The following HK1 variants were observed in gnomAD, a reference collection of about 807,000 sequenced individuals.
HK1 encodes the protein hexokinase-1.
HK1 carries 28 observed loss-of-function variants against 91.6 expected under a neutral mutation model. The observed-to-expected ratio is 0.31, with a 90% CI of 0.23 to 0.42. The LOEUF is 0.42. Ranked by LOEUF, HK1 falls within the 10% of genes least tolerant of loss-of-function variation. The pLI is 1.00. For synonymous variants in HK1, 430 were observed against 468.1 expected, an observed-to-expected ratio of 0.92 and a Z score of 1.05; for missense variants, 770 against 1,219.8, an observed-to-expected ratio of 0.63 and a Z score of 5.49.
intron 8 of HK1, among the ~76,000 whole-genome samples, chr10:69,377,409 T>C (rs1324619889): frequency 2.1e-5 from 3 of 144,496 alleles, no homozygotes; most frequent in Non-Finnish European, 1.5e-5. Flanking sequence ...AAGATTAGCG[T>C]CCAGGAAGCA....
At chr10:69,285,886 G>C (rs1227688193) in intron 2 of HK1, among the ~76,000 whole-genome samples, 2 of 152,216 alleles carry the variant, frequency 1.3e-5, no homozygotes. Flanking sequence ...CCCTGGGCCA[G>C]TCCCAAGGGT....
chr10:69,366,629 A>T (rs1205953197), intron 4 of HK1, among the ~76,000 whole-genome samples: 2 of 152,106 alleles, frequency 1.3e-5, no homozygotes, highest in Admixed American at 1.3e-4. Context: ...CTGACCTGTT[A>T]TGCTTTCAGG....
chr10:69,338,137 G>C (rs1228596801), intron 1 of HK1: 6 of 615,106 alleles, frequency 9.8e-6, no homozygotes, highest in Non-Finnish European at 1.3e-5. Flanking sequence ...GAGCCGCTGA[G>C]AGCTTCAAGG....
At chr10:69,365,262 C>G (rs1849643121) in intron 4 of HK1, among the ~76,000 whole-genome samples, 1 of 152,074 alleles carries the variant, frequency 6.6e-6, no homozygotes, top group African/African-American at 2.4e-5. Context: ...GGAAACTGCC[C>G]TGGTTACTGC....
intron 14 of HK1, among the ~76,000 whole-genome samples, chr10:69,390,522 T>C (rs1273150794): frequency 6.6e-6 from 1 of 152,258 alleles, no homozygotes; most frequent in Non-Finnish European, 1.5e-5. Flanking sequence ...GGAGCTCCTC[T>C]TCTCTCAGTT....
chr10:69,332,268 C>T (rs1364359042), intron 1 of HK1, among the ~76,000 whole-genome samples: 4 of 152,138 alleles, frequency 2.6e-5, no homozygotes, highest in African/African-American at 9.7e-5. Flanking sequence ...GTGTAAGCCA[C>T]AGTTTCCTCA....
At position 69,300,712 on chromosome 10, in the gene HK1, A is replaced by G. The variant is rs147756930; in HGVS notation, c.-66-57A>G. ...CCATGCTTCATCATCACAGTGAGAA[A>G]CCAGACGATGACTTTGGAGCATGGC... On this transcript the variant is annotated intron_variant, in intron 4 of 21. Transcript: ENST00000360289. The G allele has an allele frequency of 7.5e-5, 75 of 998,570 alleles. 1 individual carries two copies. In the East Asian group the frequency reaches 1.6e-3, roughly 21 times the overall value. The allele number at this position is 998,570 out of a possible 1,614,324, so 61.9% of individuals were successfully genotyped here. A position where few individuals can be genotyped will look rare whatever the true frequency, so the allele number is the denominator to read the frequency against.
At chr10:69,277,330 G>A (rs1844521609) in intron 1 of HK1, among the ~76,000 whole-genome samples, 1 of 152,170 alleles carries the variant, frequency 6.6e-6, no homozygotes, top group African/African-American at 2.4e-5. Flanking sequence ...CACTTTGGGA[G>A]GCTGAGGCAC....
At chr10:69,356,996 C>G (rs1276987678) in intron 2 of HK1, among the ~76,000 whole-genome samples, 1 of 151,686 alleles carries the variant, frequency 6.6e-6, no homozygotes, top group East Asian at 1.9e-4. Context: ...GTACTCAACA[C>G]CATTAGTCAT....
chr10:69,396,185 T>C (rs1840125795), intron 16 of HK1, among the ~76,000 whole-genome samples: 1 of 148,498 alleles, frequency 6.7e-6, no homozygotes, highest in Non-Finnish European at 1.5e-5. Flanking sequence ...GGTGGGAGGA[T>C]GGCTTGAGCC....
At chr10:69,287,043 A>C (rs1845067112) in intron 2 of HK1, among the ~76,000 whole-genome samples, 1 of 152,238 alleles carries the variant, frequency 6.6e-6, no homozygotes, top group Non-Finnish European at 1.5e-5. Context: ...ACTGCTATAA[A>C]GAAATGGCCC....
upstream of HK1, among the ~76,000 whole-genome samples, chr10:69,315,112 T>C (rs1846568252): frequency 6.6e-6 from 1 of 152,228 alleles, no homozygotes. Flanking sequence ...CCTCATTGAC[T>C]GATTAAGTGC....
upstream of HK1, among the ~76,000 whole-genome samples, chr10:69,312,766 G>A (rs976540050): frequency 1.3e-5 from 2 of 152,180 alleles, no homozygotes; most frequent in African/African-American, 4.8e-5. Flanking sequence ...ATCAGATAAC[G>A]GGAAGGGGAA....
upstream of HK1, among the ~76,000 whole-genome samples, chr10:69,316,556 G>A (rs1846653626): frequency 6.6e-6 from 1 of 152,228 alleles, no homozygotes; most frequent in South Asian, 2.1e-4. Flanking sequence ...GAGTCACCTT[G>A]AGAAGCAGTT....
At chr10:69,354,041 G>A (rs1045210773) in intron 2 of HK1, among the ~76,000 whole-genome samples, 1 of 152,220 alleles carries the variant, frequency 6.6e-6, no homozygotes, top group Non-Finnish European at 1.5e-5. Flanking sequence ...CAGGTAGCTA[G>A]TGAAATAATT....
At chr10:69,322,230 T>C (rs1448553409) in intron 1 of HK1, among the ~76,000 whole-genome samples, 1 of 152,188 alleles carries the variant, frequency 6.6e-6, no homozygotes, top group African/African-American at 2.4e-5. Context: ...GTGGATTTTC[T>C]CTGGGCGAGA....
At chr10:69,294,648 G>A (rs1165414712) in intron 3 of HK1, among the ~76,000 whole-genome samples, 1 of 152,092 alleles carries the variant, frequency 6.6e-6, no homozygotes, top group Non-Finnish European at 1.5e-5. Flanking sequence ...TCAAGTTCAG[G>A]AGTTCAAGAC....
intron 2 of HK1, among the ~76,000 whole-genome samples, chr10:69,355,754 T>TGCATTCCAGCCTGGGTA: frequency 1.3e-5 from 2 of 152,210 alleles, no homozygotes; most frequent in Admixed American, 1.3e-4. Flanking sequence ...ATCATGCCAC[T>TGCATTCCAGCCTGGGTA]GCATTCCAGC....
intron 14 of HK1, among the ~76,000 whole-genome samples, chr10:69,390,418 T>C (rs1321766932): frequency 6.6e-6 from 1 of 152,196 alleles, no homozygotes; most frequent in African/African-American, 2.4e-5. Flanking sequence ...CCTCCATCAA[T>C]TGATCTCTTT....
Sources: allele counts gnomAD v4.1 joint callset (sites outside exome capture counted in the v4.1 genomes callset), GRCh38; gene constraint gnomAD v4.1.1; transcripts MANE v1.5; gene names NCBI Gene and HGNC (gene_info 2026-07-23, HGNC 2026-07-21).